CASP9: variants seen among roughly 807,000 people sequenced by gnomAD.
CASP9 encodes caspase-9.
In CASP9, 29 loss-of-function variants were observed where a neutral mutation model predicts 43.5. The observed-to-expected ratio is 0.67, with a 90% CI of 0.50 to 0.91. The LOEUF is 0.91. Among genes scored for constraint, CASP9 ranks in the 40% least tolerant of loss-of-function variants. The probability of loss-of-function intolerance (pLI) is 0.00; values close to 1 mark genes in which losing one functional copy is unlikely to be tolerated. For synonymous variants in CASP9, 206 were observed against 211.9 expected (o/e 0.97, Z 0.24); for missense variants, 575 against 537.4 (o/e 1.07, Z -0.69).
chr1:15,518,448 C>A, intron 1 of CASP9, 53 bp from the exon 2 acceptor site: 1 of 1,543,920 alleles, frequency 6.5e-7, no homozygotes, highest in Non-Finnish European at 8.8e-7. Context: ...TTATATGGCT[C>A]TCACCTTGTC....
Position 15,495,226 on chromosome 1 carries a change from C to CG in CASP9, c.1048+46dup, listed in dbSNP as rs543525156. 142 of 1,558,638 alleles carry CG rather than the reference C, an allele frequency of 9.1e-5. 1 individual carries two copies. The African/African-American group carries it at 1.8e-3, about 19-fold the overall frequency. Reference sequence around the variant, plus strand: ...ACCACACAGCTGCCTCTAGGGCAGACGGGAAGACCCACTGGCTGCGAGGAC... The same window carrying CG: ...ACCACACAGCTGCCTCTAGGGCAGACGGGGAAGACCCACTGGCTGCGAGGAC... On this transcript the variant is annotated intron_variant, in intron 7 of 8. Coordinates refer to ENST00000333868, the MANE Select transcript of CASP9 (RefSeq NM_001229.5).
In CASP9 at chr1:15,495,328, G is replaced by A. The variant is rs1231615942; in HGVS notation, c.993C>T (p.Ala331=). 6.2e-7 allele frequency: 1 copy of A among 1,611,100 alleles called. No individual in the cohort carries two copies. Among genetic ancestry groups the A allele is most frequent in the East Asian group, 2.2e-5 (1 of 44,748 alleles). The change falls in exon 7 of 9, where the codon GCC becomes GCT. Residue 331 remains alanine, a synonymous_variant. Transcript: ENST00000333868. ...EGLRTFDQLD[A]ISSLPTPSDI... ...CACTGGGTGTGGGCAAACTAGATAT[G>A]GCGTCCAGCTGGTCGAAGGTCCTCA...
At chr1:15,507,252 C>T (rs886877859) in intron 3 of CASP9, 177 bp from the exon 4 acceptor site, 28 of 619,592 alleles carry the variant, frequency 4.5e-5, no homozygotes, top group Admixed American at 3.3e-4. Context: ...TAGAAGGTGA[C>T]CCCCCCATCT....
intron 1 of CASP9, among the ~76,000 whole-genome samples, chr1:15,521,461 T>C (rs1710196924): frequency 6.6e-6 from 1 of 152,140 alleles, no homozygotes; most frequent in African/African-American, 2.4e-5. Context: ...CCTCCCGTAC[T>C]CCTGGTTCCT....
chr1:15,507,209 C>A, intron 3 of CASP9, 134 bp from the exon 4 acceptor site: 1 of 950,598 alleles, frequency 1.1e-6, no homozygotes, highest in African/African-American at 1.6e-5. Flanking sequence ...CATTCCAGGG[C>A]AAAAGAGAAG....
intron 2 of CASP9, among the ~76,000 whole-genome samples, chr1:15,512,576 G>A (rs1476164339): frequency 1.3e-5 from 2 of 151,976 alleles, no homozygotes; most frequent in African/African-American, 4.8e-5. Flanking sequence ...CAGCTTTCCT[G>A]GTCTCCAACT....
intron 6 of CASP9, among the ~76,000 whole-genome samples, chr1:15,502,509 G>A (rs1437518218): frequency 6.6e-6 from 1 of 152,112 alleles, no homozygotes; most frequent in Non-Finnish European, 1.5e-5. Flanking sequence ...CAGGGGAGCA[G>A]GTAGAAGAGC....
intron 3 of CASP9, 129 bp from the exon 4 acceptor site, chr1:15,507,204 C>T: frequency 9.6e-7 from 1 of 1,037,684 alleles, no homozygotes. Context: ...CCCGGCATTC[C>T]AGGGCAAAAG....
chr1:15,497,968 T>TAG (rs1253831270), intron 6 of CASP9, among the ~76,000 whole-genome samples: 14 of 152,268 alleles, frequency 9.2e-5, no homozygotes, highest in Non-Finnish European at 1.9e-4. Context: ...TGTCATTGAA[T>TAG]AGAGCCCAGA....
chr1:15,492,949 T>C lies in CASP9; in HGVS notation c.1245A>G (p.Thr415=). ...AGGGTGAGGGGCCCTGGCCTTATGATGTTTTAAAGAAAAGTTTTTTCCGGA... is the reference window on the plus strand; with the variant it reads ...AGGGTGAGGGGCCCTGGCCTTATGACGTTTTAAAGAAAAGTTTTTTCCGGA... The part of the protein sequence containing the change: ...NFLRKKLFFK[T]S Residue 415 remains threonine, a synonymous_variant, in exon 9 of 9, where the codon ACA becomes ACG. Transcript: ENST00000333868. The C allele has an allele frequency of 6.2e-7, 1 of 1,613,858 alleles. No individual in the cohort carries two copies. The highest frequency in any genetic ancestry group is 8.5e-7 in the Non-Finnish European group (1 of 1,180,030).
At chr1:15,507,989 C>G (rs1709589757) in intron 2 of CASP9, 82 bp from the exon 3 acceptor site, 2 of 1,434,894 alleles carry the variant, frequency 1.4e-6, no homozygotes, top group Non-Finnish European at 2.0e-6. Context: ...GACAGCCCCC[C>G]AAGAACGGAG....
At chr1:15,502,732 G>A (rs528000136) in intron 6 of CASP9, among the ~76,000 whole-genome samples, 1 of 152,186 alleles carries the variant, frequency 6.6e-6, no homozygotes, top group East Asian at 1.9e-4. Context: ...GCACAAGACT[G>A]ACTAACTGTC....
rs181809900 is a variant in CASP9 at position 15,497,964 on chromosome 1, T to C, written c.869-2512A>G. On this transcript the variant is annotated intron_variant, in intron 6 of 8. Coordinates refer to ENST00000333868, the MANE Select transcript of CASP9 (RefSeq NM_001229.5). ...AAAGACAGACATAGGTCAATGTCATTGAATAGAGCCCAGACATACACCCTC... is the reference window on the plus strand; with the variant it reads ...AAAGACAGACATAGGTCAATGTCATCGAATAGAGCCCAGACATACACCCTC... Among the ~76,000 whole-genome samples, 626 of 152,368 alleles carry C rather than the reference T, an allele frequency of 4.1e-3. 2 individuals are homozygous for C. Among genetic ancestry groups the C allele is most frequent in the Non-Finnish European group, 6.5e-3 (442 of 68,042 alleles).
chr1:15,515,528 A>G (rs12091224), intron 2 of CASP9, among the ~76,000 whole-genome samples: 19 of 152,214 alleles, frequency 1.2e-4, no homozygotes, highest in African/African-American at 4.6e-4. Flanking sequence ...CATGTCCATC[A>G]ATAGGAAAAT....
At chr1:15,517,975 T>A in intron 2 of CASP9, 135 bp downstream of exon 2, 1 of 1,015,706 alleles carries the variant, frequency 9.8e-7, no homozygotes, top group South Asian at 1.6e-5. Context: ...TCCCAGAATT[T>A]TGCCATCCCT....
rs758585561 is a variant in CASP9 at position 15,492,633 on chromosome 1, G to A, written c.*310C>T. 3 of 386,368 alleles carry A rather than the reference G, an allele frequency of 7.8e-6. No individual in the cohort carries two copies. The highest frequency in any genetic ancestry group is 6.1e-5 in the African/African-American group (3 of 49,422). 23.9% of individuals were successfully genotyped at this position (386,368 alleles called of 1,614,324 possible). ...TGACCTGGCCCCACATGTCAGTAGTGCAGAGGTTAATCCCTGCTCTAGAGA... is the reference window on the plus strand; with the variant it reads ...TGACCTGGCCCCACATGTCAGTAGTACAGAGGTTAATCCCTGCTCTAGAGA... On this transcript the variant is annotated 3_prime_UTR_variant, in exon 9 of 9. Coordinates refer to ENST00000333868, the MANE Select transcript of CASP9 (RefSeq NM_001229.5).
intron 2 of CASP9, among the ~76,000 whole-genome samples, chr1:15,517,291 G>T (rs544137765): frequency 6.6e-6 from 1 of 152,240 alleles, no homozygotes; most frequent in East Asian, 1.9e-4. Context: ...GAATTTCAAA[G>T]ATACAATGAT....
At chr1:15,503,440 C>A (rs1268367726) in intron 6 of CASP9, among the ~76,000 whole-genome samples, 2 of 152,188 alleles carry the variant, frequency 1.3e-5, no homozygotes, top group African/African-American at 4.8e-5. Context: ...CACTTGTGGT[C>A]AAGTTATGGG....
At chr1:15,505,016 C>T (rs1479612688) in intron 5 of CASP9, among the ~76,000 whole-genome samples, 1 of 152,154 alleles carries the variant, frequency 6.6e-6, no homozygotes, top group African/African-American at 2.4e-5. Flanking sequence ...GGCCTCTAGA[C>T]CAGTGGTTCT....
Sources: allele counts gnomAD v4.1 joint callset (sites outside exome capture counted in the v4.1 genomes callset), GRCh38; gene constraint gnomAD v4.1.1; transcripts MANE v1.5; gene names NCBI Gene and HGNC (gene_info 2026-07-23, HGNC 2026-07-21).